The following KIAA0319 variants were observed in gnomAD, a reference collection of about 807,000 sequenced individuals.
KIAA0319 encodes dyslexia-associated protein KIAA0319.
KIAA0319 carries 83 observed loss-of-function variants against 108.4 expected under a neutral mutation model. That is an observed-to-expected ratio of 0.77 (90% CI 0.64 to 0.92). KIAA0319 has a LOEUF of 0.92. Ranked by LOEUF, KIAA0319 falls within the 40% of genes least tolerant of loss-of-function variation. The pLI is 0.00. For synonymous variants in KIAA0319, 484 were observed against 510.4 expected (o/e 0.95, Z 0.70); for missense variants, 1,195 against 1,322.4 (o/e 0.90, Z 1.49).
In KIAA0319 at chr6:24,568,889, T is replaced by C. The variant is rs1764275552; in HGVS notation, c.2032A>G (p.Ile678Val). ...AVEMENIDKAIATVTGLQVGT... is the reference protein window; with the variant it reads ...AVEMENIDKAVATVTGLQVGT... ...ACCTGGAGACCAGTCACAGTGGCTA[T>C]TGCTTTGTCAATATTTTCCATCTCC... Residue 678 changes from isoleucine (I) to valine (V), a missense_variant, in exon 13 of 21, where the codon ATA (isoleucine) becomes GTA (valine). Coordinates refer to ENST00000378214, the MANE Select transcript of KIAA0319 (RefSeq NM_014809.4). 2 of 1,614,212 alleles carry C rather than the reference T, an allele frequency of 1.2e-6. No individual in the cohort carries two copies. The highest frequency in any genetic ancestry group is 8.5e-7 in the Non-Finnish European group (1 of 1,180,020).
At chr6:24,574,192 G>A (rs988898984) in intron 10 of KIAA0319, among the ~76,000 whole-genome samples, 3 of 152,022 alleles carry the variant, frequency 2.0e-5, no homozygotes, top group African/African-American at 7.2e-5. Flanking sequence ...CTAGCACTTA[G>A]GGAGGCCAAG....
At chr6:24,631,331 G>A (rs1036575364) in intron 1 of KIAA0319, among the ~76,000 whole-genome samples, 47 of 152,180 alleles carry the variant, frequency 3.1e-4, no homozygotes, top group Admixed American at 1.8e-3. Flanking sequence ...CAGAAACAGT[G>A]CTAGAAAGGA....
chr6:24,559,021 T>C lies in KIAA0319; in HGVS notation c.2726A>G (p.Asp909Gly), dbSNP rs1342884080. The change falls in exon 17 of 21, where the codon GAT becomes GGT. Residue 909 changes from aspartate (D) to glycine (G), a missense_variant. Physicochemically the swap from Asp to Gly is moderately conservative, Grantham distance 94. Transcript: ENST00000378214. ...DFLLFKVLRV[D>G]TAGCLLKCSG... ...TTCCATAGGAGACCTACCTGCTGTA[T>C]CAACCCTCAAGACCTTGAAAAGCAA... 27 of 1,611,138 alleles carry C rather than the reference T, an allele frequency of 1.7e-5. No individual in the cohort carries two copies. The highest frequency in any genetic ancestry group is 2.1e-5 in the Non-Finnish European group (25 of 1,178,910).
In KIAA0319 at chr6:24,635,007, G is replaced by A. The variant is rs145526775; in HGVS notation, c.-106+10729C>T. Among the ~76,000 whole-genome samples, 713 of 152,222 alleles carry A rather than the reference G, an allele frequency of 4.7e-3. 3 individuals are homozygous for A. The highest frequency in any genetic ancestry group is 0.016 in the African/African-American group (656 of 41,536). ...CTCTGCAAATCAGCACTTTACATAA[G>A]ATAAGGTGAGCTTAGAGCAGCTACC... On this transcript the variant is annotated intron_variant, in intron 1 of 20. Transcript: ENST00000378214.
At position 24,644,568 on chromosome 6, in the gene KIAA0319, CT is replaced by C. The variant is rs548748771; in HGVS notation, c.-106+1167del. Among the ~76,000 whole-genome samples the C allele has an allele frequency of 1.3e-4, 19 of 150,456 alleles. No homozygotes were observed. The South Asian group carries it at 3.8e-3, about 30-fold the overall frequency. The stretch of plus-strand genomic sequence containing the variant: ...ATCAAGAATGTTAAGTGAGGACTTA[CT>C]GTATTTATTTAAAGAGAATGCTTCC... On this transcript the variant is annotated intron_variant, in intron 1 of 20. Transcript: ENST00000378214.
Position 24,596,602 on chromosome 6 carries a change from C to CTG in KIAA0319, c.70_71dup (p.Gln24HisfsTer33). Reference sequence around the variant, plus strand: ...TGGAATATGTCCTCCCCTCGCTGCACTGCTTACGGGCACAACCTTTAAACA... The same window carrying CTG: ...TGGAATATGTCCTCCCCTCGCTGCACTGTGCTTACGGGCACAACCTTTAAACA... On this transcript the variant is annotated frameshift_variant, in exon 3 of 21. Transcript: ENST00000378214. LOFTEE classifies it high-confidence loss of function. 6.2e-7 allele frequency: 1 copy of CTG among 1,609,098 alleles called. No individual in the cohort carries two copies. The highest frequency in any genetic ancestry group is 1.1e-5 in the South Asian group (1 of 90,894).
chr6:24,574,974 T>C (rs758909125), intron 10 of KIAA0319, among the ~76,000 whole-genome samples: 2 of 152,220 alleles, frequency 1.3e-5, no homozygotes, highest in Admixed American at 1.3e-4. Flanking sequence ...AGCAGACTAC[T>C]GTGTCTCACC....
chr6:24,543,698 C>T (rs900420133), downstream of KIAA0319, among the ~76,000 whole-genome samples: 10 of 152,202 alleles, frequency 6.6e-5, no homozygotes, highest in South Asian at 2.1e-4. Flanking sequence ...TTCCAAAGTG[C>T]TGGGATTACA....
intron 1 of KIAA0319, among the ~76,000 whole-genome samples, chr6:24,611,973 C>T (rs1772390140): frequency 6.6e-6 from 1 of 151,508 alleles, no homozygotes; most frequent in Admixed American, 6.6e-5. Context: ...ATCACTTGAG[C>T]CCAGGAAGCA....
At chr6:24,553,137 T>G (rs370990533) in intron 19 of KIAA0319, among the ~76,000 whole-genome samples, 15 of 151,892 alleles carry the variant, frequency 9.9e-5, no homozygotes, top group African/African-American at 3.6e-4. Flanking sequence ...GTTTCAAATT[T>G]ATTAAAAATG....
rs7749794 is a variant in KIAA0319, at chr6:24,546,940, G to A, written c.*225C>T. The A allele has an allele frequency of 0.029, 14,174 of 492,600 alleles. 606 individuals carry two copies. The highest frequency in any genetic ancestry group is 0.14 in the African/African-American group (7,291 of 52,082). The allele number at this position is 492,600 out of a possible 1,614,324, so 30.5% of individuals were successfully genotyped here. On this transcript the variant is annotated 3_prime_UTR_variant, in exon 21 of 21. Coordinates refer to ENST00000378214, the MANE Select transcript of KIAA0319 (RefSeq NM_014809.4). ...AAAACTCTTTTAAGTATATACCTTA[G>A]AGTTTTACCCAGCCTTTATTTCTAT...
chr6:24,579,303 C>T (rs551327905), intron 8 of KIAA0319, among the ~76,000 whole-genome samples: 4 of 151,642 alleles, frequency 2.6e-5, no homozygotes, highest in South Asian at 2.1e-4. Context: ...AAAACCACCA[C>T]GCTCCCTCAC....
chr6:24,621,678 A>G (rs1170673039), intron 1 of KIAA0319, among the ~76,000 whole-genome samples: 1 of 152,232 alleles, frequency 6.6e-6, no homozygotes, highest in Non-Finnish European at 1.5e-5. Flanking sequence ...AAAATAAACC[A>G]TAACAACACA....
intron 6 of KIAA0319, among the ~76,000 whole-genome samples, 198 bp from the exon 7 acceptor site, chr6:24,581,211 G>A (rs1231647783): frequency 6.6e-6 from 1 of 152,224 alleles, no homozygotes; most frequent in Non-Finnish European, 1.5e-5. Flanking sequence ...AGATCACCTA[G>A]ACAGGCCTTT....
At chr6:24,573,766 TTTA>T (rs200208433) in intron 10 of KIAA0319, among the ~76,000 whole-genome samples, 1,663 of 152,344 alleles carry the variant, frequency 0.011, 26 homozygotes, top group African/African-American at 0.036. Context: ...TTTGAGCTTT[TTTA>T]TTATTATTTT....
intron 4 of KIAA0319, among the ~76,000 whole-genome samples, chr6:24,585,236 G>A (rs989017719): frequency 6.6e-6 from 1 of 151,764 alleles, no homozygotes; most frequent in African/African-American, 2.4e-5. Context: ...ATAAATCTCG[G>A]GACCCCCAAA....
Position 24,547,036 on chromosome 6 carries a change from G to T in KIAA0319, c.*129C>A. The T allele has an allele frequency of 1.1e-6, 1 of 941,150 alleles. No homozygotes were observed. The highest frequency in any genetic ancestry group is 1.6e-6 in the Non-Finnish European group (1 of 616,812). 58.3% of individuals were successfully genotyped at this position (941,150 alleles called of 1,614,324 possible). A position where few individuals can be genotyped will look rare whatever the true frequency, so the allele number is the denominator to read the frequency against. ...TCAAAAACCGGTCTTTTAGTACGTG[G>T]GGATACACATCTAACCCACTGGGGA... On this transcript the variant is annotated 3_prime_UTR_variant, in exon 21 of 21. Transcript: ENST00000378214.
intron 4 of KIAA0319, among the ~76,000 whole-genome samples, chr6:24,584,470 A>G (rs908610482): frequency 6.9e-6 from 1 of 144,080 alleles, no homozygotes; most frequent in Non-Finnish European, 1.5e-5. Flanking sequence ...AGTGCTCCAG[A>G]GGGATCAGCT....
At chr6:24,549,389 C>T (rs1761120227) in intron 20 of KIAA0319, among the ~76,000 whole-genome samples, 1 of 150,870 alleles carries the variant, frequency 6.6e-6, no homozygotes, top group African/African-American at 2.4e-5. Context: ...TGTGAGGATG[C>T]AGTGAGGAGG....
Sources: gnomAD v4.1 joint callset for allele counts (sites outside exome capture counted in the v4.1 genomes callset) on GRCh38, gnomAD v4.1.1 for gene constraint, MANE v1.5 for transcripts, NCBI Gene and HGNC (gene_info 2026-07-23, HGNC 2026-07-21) for gene names.